The following RASGRF1 variants were observed in gnomAD, a reference collection of about 807,000 sequenced individuals.
RASGRF1 encodes Ras protein specific guanine nucleotide releasing factor 1, also known as ras-specific guanine nucleotide-releasing factor 1.
In RASGRF1, 40 loss-of-function variants were observed where a neutral mutation model predicts 138.7. The ratio of observed to expected loss-of-function variants is 0.29; its 90% confidence interval spans 0.22 to 0.38. The LOEUF is 0.38. RASGRF1 is among the 10% of genes least tolerant of loss of function. The pLI is 1.00. For synonymous variants in RASGRF1, 614 were observed against 663.2 expected (o/e 0.93, Z 1.14); for missense variants, 1,108 against 1,650.4 (o/e 0.67, Z 5.69).
chr15:79,013,556 A>G (rs2056832244), intron 13 of RASGRF1, among the ~76,000 whole-genome samples: 1 of 152,284 alleles, frequency 6.6e-6, no homozygotes, highest in South Asian at 2.1e-4. Context: ...ATGTATGTGA[A>G]GTAGCAAACA....
intron 19 of RASGRF1, among the ~76,000 whole-genome samples, chr15:78,997,694 T>C (rs55649475): frequency 0.13 from 18,216 of 140,752 alleles, 1,229 homozygotes; most frequent in Admixed American, 0.17. Flanking sequence ...CAAGATCACA[T>C]CACTGCATTC....
intron 5 of RASGRF1, among the ~76,000 whole-genome samples, chr15:79,044,197 T>C (rs1426543368): frequency 1.3e-5 from 2 of 152,236 alleles, no homozygotes; most frequent in African/African-American, 4.8e-5. Context: ...TGACATTCTC[T>C]GCCTGAAATG....
intron 24 of RASGRF1, among the ~76,000 whole-genome samples, chr15:78,978,220 G>GTTTTTTTTTTTTTTTTTTTTTTTTT (rs71148584): frequency 8.0e-6 from 1 of 125,096 alleles, no homozygotes; most frequent in Non-Finnish European, 1.6e-5. Flanking sequence ...CTTTTCTTTT[G>GTTTTTTTTTTTTTTTTTTTTTTTTT]TTTTTTTTTT....
At chr15:78,975,933 G>A (rs2055861326) in intron 24 of RASGRF1, among the ~76,000 whole-genome samples, 1 of 152,206 alleles carries the variant, frequency 6.6e-6, no homozygotes, top group Non-Finnish European at 1.5e-5. Context: ...GGCTGTGGCA[G>A]TGCTGACCGG....
chr15:79,067,704 C>T (rs28574991), intron 1 of RASGRF1, among the ~76,000 whole-genome samples: 4,503 of 152,212 alleles, frequency 0.03, 221 homozygotes, highest in African/African-American at 0.1. Flanking sequence ...TGAATCAGCA[C>T]AAATCTGGAC....
At chr15:79,015,508 G>C in intron 12 of RASGRF1, 99 bp from the exon 13 acceptor site, 1 of 1,073,420 alleles carries the variant, frequency 9.3e-7, no homozygotes, top group Non-Finnish European at 1.4e-6. Context: ...GCCTCAGTCT[G>C]ATACAGGGTC....
rs376498085 is a variant in RASGRF1 at position 79,025,302 on chromosome 15, C to A, written c.1542+12G>T. On this transcript the variant is annotated intron_variant, in intron 10 of 26. Transcript: ENST00000558480. ...CTGGGCAGCCCCCAAGCCCCTCTCC[C>A]GTAGCCCTTACCTTGGTCAAGTGAA... is the stretch of plus-strand genomic sequence containing the variant. 2 of 1,596,490 alleles carry A rather than the reference C, an allele frequency of 1.3e-6. No homozygotes were observed. Among genetic ancestry groups the A allele is most frequent in the Admixed American group, 1.7e-5 (1 of 59,034 alleles).
Position 79,090,400 on chromosome 15 carries a change from A to T in RASGRF1, c.99T>A (p.Ser33Arg). 1 of 1,613,432 alleles carries T rather than the reference A, an allele frequency of 6.2e-7. No homozygotes were observed. The highest frequency in any genetic ancestry group is 8.5e-7 in the Non-Finnish European group (1 of 1,179,948). ...TGGTTTGCCATTTTGTGTTGTCCGAACTCCGCTTGCTCAGGTAGCCTTTGC... is the reference window on the plus strand; with the variant it reads ...TGGTTTGCCATTTTGTGTTGTCCGATCTCCGCTTGCTCAGGTAGCCTTTGC... ...GTRKGYLSKRSSDNTKWQTKW... is the reference protein window; with the variant it reads ...GTRKGYLSKRRSDNTKWQTKW... The change falls in exon 1 of 27, where the codon AGT (serine) becomes AGA (arginine). Residue 33 changes from serine (S) to arginine (R), a missense_variant. Around this residue, in one of 3 missense-constraint regions of RASGRF1, gnomAD observed 253 missense variants for 329.5 expected, o/e 0.77. Coordinates refer to ENST00000558480, the MANE Select transcript of RASGRF1 (RefSeq NM_001145648.3).
intron 24 of RASGRF1, among the ~76,000 whole-genome samples, chr15:78,976,844 G>T (rs1304639909): frequency 5.3e-5 from 8 of 152,264 alleles, no homozygotes; most frequent in Non-Finnish European, 1.0e-4. Flanking sequence ...AAGCAGAGCT[G>T]ATACGGGGGT....
Position 79,070,939 on chromosome 15 carries a change from G to A in RASGRF1, c.277-6413C>T, listed in dbSNP as rs897547836. Among the ~76,000 whole-genome samples the A allele has an allele frequency of 2.0e-5, 3 of 152,118 alleles. No individual in the cohort carries two copies. The South Asian group carries it at 6.2e-4, about 32-fold the overall frequency. ...GAGGATCTGAATTGCCCATCTCGTG[G>A]GTGACTGGTGGCTGCATAGGAGCAT... On this transcript the variant is annotated intron_variant, in intron 1 of 26. Transcript: ENST00000558480.
At chr15:79,020,159 G>C in intron 10 of RASGRF1, 55 bp from the exon 11 acceptor site, 1 of 1,544,578 alleles carries the variant, frequency 6.5e-7, no homozygotes, top group Non-Finnish European at 8.9e-7. Flanking sequence ...TGCTGGTTTA[G>C]GAGTCCCTGG....
intron 26 of RASGRF1, 149 bp from the exon 27 acceptor site, chr15:78,962,385 AT>A: frequency 1.7e-6 from 1 of 591,392 alleles, no homozygotes; most frequent in East Asian, 2.8e-5. Flanking sequence ...GTAGTGTTCC[AT>A]CTTGACATAA....
chr15:79,042,254 C>A (rs547035616), intron 5 of RASGRF1, among the ~76,000 whole-genome samples: 3 of 152,318 alleles, frequency 2.0e-5, no homozygotes, highest in African/African-American at 4.8e-5. Flanking sequence ...TAAATTAAAT[C>A]ATCAAATTAG....
intron 14 of RASGRF1, among the ~76,000 whole-genome samples, chr15:79,004,538 C>T (rs1043955780): frequency 1.3e-5 from 2 of 152,162 alleles, no homozygotes; most frequent in African/African-American, 4.8e-5. Flanking sequence ...ACTCTCTGGC[C>T]TCATCCTTAG....
intron 11 of RASGRF1, 26 bp downstream of exon 11, chr15:79,020,015 T>A (rs1407524049): frequency 1.9e-6 from 3 of 1,612,744 alleles, no homozygotes; most frequent in Non-Finnish European, 8.5e-7. Flanking sequence ...AGCACACACA[T>A]GCGCACATGC....
rs867609232 is a variant in RASGRF1 at position 79,006,193 on chromosome 15, G to A, written c.2068C>T (p.Pro690Ser). 6.2e-7 allele frequency: 1 copy of A among 1,614,192 alleles called. No individual in the cohort carries two copies. ...TIYKKPISAI[P>S]ARSLELLFAS... ...GGAGGGCACCTCAGCCACCTGGCAG[G>A]AATGGCACTGATAGGCTTCTTGTAG... The change falls in exon 14 of 27, where the codon CCT becomes TCT. Residue 690 changes from proline (P) to serine (S), a missense_variant. By Grantham distance (74) the Pro-to-Ser change is moderately conservative (BLOSUM62 -1). This residue lies in a region of RASGRF1 where 686 missense variants were observed against 976.7 expected (regional missense o/e 0.70). Transcript: ENST00000558480. This position sits in a 1 kb window ranked among gnomAD's most constrained non-coding sequence, Gnocchi z 4.0.
At chr15:79,053,104 A>T (rs2057454799) in intron 3 of RASGRF1, among the ~76,000 whole-genome samples, 1 of 152,130 alleles carries the variant, frequency 6.6e-6, no homozygotes. Context: ...CATCTTACTA[A>T]TAACACAAAA....
chr15:79,052,587 T>C (rs558156535), intron 3 of RASGRF1, among the ~76,000 whole-genome samples: 1 of 152,228 alleles, frequency 6.6e-6, no homozygotes, highest in South Asian at 2.1e-4. Flanking sequence ...TTCATAGAGG[T>C]GGCTTGCAAT....
chr15:79,001,841 T>C, intron 15 of RASGRF1, 54 bp from the exon 16 acceptor site: 1 of 1,188,790 alleles, frequency 8.4e-7, no homozygotes. Context: ...TTTTAAAATT[T>C]AAATATTTGA....
Sources: gnomAD v4.1 joint callset for allele counts (sites outside exome capture counted in the v4.1 genomes callset) on GRCh38, gnomAD v4.1.1 for gene constraint, gnomAD v4.1.1 regional missense constraint, Gnocchi (gnomAD v3.1) non-coding constraint, MANE v1.5 for transcripts, NCBI Gene and HGNC (gene_info 2026-07-23, HGNC 2026-07-21) for gene names.